Variants in NCR1 observed in about 807,000 individuals in gnomAD.
NCR1 encodes the protein natural cytotoxicity triggering receptor 1.
Under a neutral mutation model 32.5 loss-of-function variants are expected in NCR1, and 30 were observed. That is an observed-to-expected ratio of 0.92 (90% CI 0.69 to 1.25). The LOEUF is 1.25. Among genes scored for constraint, NCR1 ranks in the 50% most tolerant of loss-of-function variants. The pLI is 0.00. For missense variants in NCR1, 369 were observed against 380.7 expected (o/e 0.97, Z 0.26); for synonymous variants, 169 against 143.4 (o/e 1.18, Z -1.28).
At chr19:54,912,666 A>T in intron 6 of NCR1, 24 bp from the exon 7 acceptor site, 1 of 1,448,232 alleles carries the variant, frequency 6.9e-7, no homozygotes, top group Non-Finnish European at 9.5e-7. Context: ...CCTGTCAGCG[A>T]TCACCCTGTT....
downstream of NCR1, among the ~76,000 whole-genome samples, chr19:54,917,323 AAAAC>A (rs1569538070): frequency 2.0e-5 from 3 of 151,306 alleles, no homozygotes; most frequent in East Asian, 2.0e-4. Flanking sequence ...AAAAAAAACA[AAAAC>A]AAAAACAAAA....
At chr19:54,925,746 C>T in the NCR1 span, among the ~76,000 whole-genome samples, 1 of 152,124 alleles carries the variant, frequency 6.6e-6, no homozygotes, top group South Asian at 2.1e-4. Context: ...CGCCTGTAAT[C>T]CCAGCACTTT....
the NCR1 span, among the ~76,000 whole-genome samples, chr19:54,899,719 G>GC: frequency 7.2e-5 from 11 of 151,752 alleles, no homozygotes; most frequent in African/African-American, 9.7e-5. Context: ...GGGGGTTCTT[G>GC]CCCCCCCAGA....
At chr19:54,910,576 A>C (rs2067920108) in intron 5 of NCR1, among the ~76,000 whole-genome samples, 1 of 149,426 alleles carries the variant, frequency 6.7e-6, no homozygotes. Flanking sequence ...CATCTCACAG[A>C]AAAACAAAAA....
At chr19:54,917,646 C>T (rs1354496370), downstream of NCR1, among the ~76,000 whole-genome samples, 1 of 152,102 alleles carries the variant, frequency 6.6e-6, no homozygotes, top group Admixed American at 6.5e-5. Context: ...CCTAGCAGTT[C>T]TCTGCTGGGT....
At chr19:54,929,868 A>AATCAGGAGAATCGCTTGAAC in the NCR1 span, among the ~76,000 whole-genome samples, 1 of 152,056 alleles carries the variant, frequency 6.6e-6, no homozygotes, top group Admixed American at 6.6e-5. Context: ...TAATCCCAGC[A>AATCAGGAGAATCGCTTGAAC]CTTTGGAAGG....
chr19:54,933,419 A>G, the NCR1 span: 1 of 944,712 alleles, frequency 1.1e-6, no homozygotes, highest in Admixed American at 2.0e-5. Context: ...TGCTGGGATT[A>G]CAGGCATGAG....
At chr19:54,903,366 GTA>G (rs587666377), upstream of NCR1, among the ~76,000 whole-genome samples, 165 of 111,334 alleles carry the variant, frequency 1.5e-3, 7 homozygotes, top group Admixed American at 2.9e-3. Flanking sequence ...ATACATACAT[GTA>G]TATATACATG....
downstream of NCR1, among the ~76,000 whole-genome samples, chr19:54,916,338 T>TTTTTTTTTTTG (rs1556721210): frequency 7.6e-6 from 1 of 132,024 alleles, no homozygotes; most frequent in African/African-American, 2.9e-5. Context: ...TTTTTTTTTT[T>TTTTTTTTTTTG]GAGACGAAGT....
chr19:54,924,169 T>C, the NCR1 span, among the ~76,000 whole-genome samples: 1 of 152,146 alleles, frequency 6.6e-6, no homozygotes, highest in Non-Finnish European at 1.5e-5. Context: ...GGTTTCGACA[T>C]GTTAGCCAGG....
chr19:54,912,795 G>A lies in NCR1; in HGVS notation c.839G>A (p.Arg280Lys). 1 of 1,613,988 alleles carries A rather than the reference G, an allele frequency of 6.2e-7. No individual in the cohort carries two copies. The highest frequency in any genetic ancestry group is 8.5e-7 in the Non-Finnish European group (1 of 1,180,010). ...TTCCTGGTTGAAGACTGGCTCAGCA[G>A]GAAGAGGACTAGAGAGCGAGCCAGC... ...VWFLVEDWLS[R>K]KRTRERASRA... The change falls in exon 7 of 7, where the codon AGG becomes AAG. Residue 280 changes from arginine (R) to lysine (K), a missense_variant. Transcript: ENST00000291890.
the NCR1 span, chr19:54,930,746 A>G: frequency 8.7e-7 from 1 of 1,155,090 alleles, no homozygotes; most frequent in South Asian, 1.2e-5. Context: ...AACACTATAT[A>G]CCTTCCACTT....
chr19:54,903,428 A>G (rs2067356069), upstream of NCR1, among the ~76,000 whole-genome samples: 3 of 135,226 alleles, frequency 2.2e-5, no homozygotes, highest in South Asian at 2.3e-4. Flanking sequence ...ACATGTATGT[A>G]TACACGCATA....
chr19:54,903,661 ATG>A, upstream of NCR1, among the ~76,000 whole-genome samples: 1 of 146,854 alleles, frequency 6.8e-6, no homozygotes, highest in East Asian at 2.0e-4. Flanking sequence ...ATATGTATAT[ATG>A]TATACATATA....
the NCR1 span, among the ~76,000 whole-genome samples, chr19:54,931,531 A>G: frequency 6.6e-6 from 1 of 152,138 alleles, no homozygotes; most frequent in Non-Finnish European, 1.5e-5. Context: ...TCTACTAAAA[A>G]TACAAAATTA....
chr19:54,934,144 T>C, the NCR1 span, among the ~76,000 whole-genome samples: 1 of 152,188 alleles, frequency 6.6e-6, no homozygotes, highest in Non-Finnish European at 1.5e-5. The surrounding 1 kb of genome is among the most constrained non-coding windows in gnomAD (Gnocchi z 6.7). Flanking sequence ...GGTTTCACCA[T>C]GTTAGCCAGG....
the NCR1 span, among the ~76,000 whole-genome samples, chr19:54,900,263 C>T: frequency 7.9e-5 from 12 of 151,936 alleles, no homozygotes; most frequent in African/African-American, 1.2e-4. Context: ...TGGGTGCAGG[C>T]GGGCTGAGTC....
the NCR1 span, chr19:54,938,201 G>C: frequency 6.2e-7 from 1 of 1,614,010 alleles, no homozygotes; most frequent in Non-Finnish European, 8.5e-7. Flanking sequence ...AGAGAGCGAA[G>C]ATCCTGCCGA....
chr19:54,914,080 A>G (rs2068081524), downstream of NCR1, among the ~76,000 whole-genome samples: 1 of 143,770 alleles, frequency 7.0e-6, no homozygotes. Flanking sequence ...AAAAAAAAAG[A>G]AAAAAAAAAA....
Sources: allele counts gnomAD v4.1 joint callset (sites outside exome capture counted in the v4.1 genomes callset), GRCh38; gene constraint gnomAD v4.1.1; non-coding constraint Gnocchi (gnomAD v3.1); transcripts MANE v1.5; gene names NCBI Gene and HGNC (gene_info 2026-07-23, HGNC 2026-07-21).